The following ZNF503 variants were observed in gnomAD, a reference collection of about 807,000 sequenced individuals.
ZNF503 encodes the protein zinc finger protein 503, also known as NocA-like zinc finger 2.
A neutral mutation model predicts 34.4 loss-of-function variants in ZNF503; 15 were observed. That is an observed-to-expected ratio of 0.44 (90% CI 0.29 to 0.67). The LOEUF (loss-of-function observed/expected upper bound fraction) is 0.67, where lower values mean the gene tolerates loss of function less well. Among genes scored for constraint, ZNF503 ranks in the 30% least tolerant of loss-of-function variants. ZNF503 has a pLI of 0.13. For synonymous variants in ZNF503, 580 were observed against 456.8 expected, an observed-to-expected ratio of 1.27 and a Z score of -3.44; for missense variants, 1,007 against 926.8, an observed-to-expected ratio of 1.09 and a Z score of -1.12.
the ZNF503 span, among the ~76,000 whole-genome samples, chr10:75,291,727 G>A: frequency 1.6e-4 from 25 of 152,128 alleles, no homozygotes; most frequent in Admixed American, 7.2e-4. Context: ...CTCTCCCATT[G>A]GTCCAGGAAT....
chr10:75,283,633 G>T, the ZNF503 span, among the ~76,000 whole-genome samples: 2 of 152,166 alleles, frequency 1.3e-5, no homozygotes, highest in African/African-American at 2.4e-5. Flanking sequence ...CAAGCCAACC[G>T]CCCCCACCCC....
the ZNF503 span, among the ~76,000 whole-genome samples, chr10:75,320,234 C>G: frequency 6.6e-6 from 1 of 152,216 alleles, no homozygotes; most frequent in African/African-American, 2.4e-5. Flanking sequence ...GTAATCCCAG[C>G]ACTTTGGGAG....
chr10:75,349,753 G>A, the ZNF503 span, among the ~76,000 whole-genome samples: 1 of 152,256 alleles, frequency 6.6e-6, no homozygotes, highest in Non-Finnish European at 1.5e-5. Flanking sequence ...CCTCCACTCT[G>A]TTCTCTGCAG....
chr10:75,319,914 A>C, the ZNF503 span, among the ~76,000 whole-genome samples: 8 of 152,238 alleles, frequency 5.3e-5, no homozygotes, highest in African/African-American at 1.9e-4. Flanking sequence ...TTGAAGTCTT[A>C]TAACTATTGG....
chr10:75,388,015 C>T, the ZNF503 span, among the ~76,000 whole-genome samples: 3 of 152,258 alleles, frequency 2.0e-5, no homozygotes, highest in South Asian at 6.2e-4. Flanking sequence ...GCTTGGTTTC[C>T]AGCAGAGGAG....
At chr10:75,381,218 G>GTTTGT in the ZNF503 span, among the ~76,000 whole-genome samples, 590 of 152,206 alleles carry the variant, frequency 3.9e-3, 2 homozygotes, top group South Asian at 8.3e-3. Flanking sequence ...ATTTTTGTTT[G>GTTTGT]TTTGTTTTGT....
the ZNF503 span, among the ~76,000 whole-genome samples, chr10:75,341,600 A>T: frequency 6.6e-6 from 1 of 152,214 alleles, no homozygotes; most frequent in Admixed American, 6.5e-5. Flanking sequence ...TAGTTTGGAA[A>T]TATTTAGTAA....
chr10:75,313,177 G>A, the ZNF503 span, among the ~76,000 whole-genome samples: 1 of 152,182 alleles, frequency 6.6e-6, no homozygotes, highest in Non-Finnish European at 1.5e-5. Flanking sequence ...AACCATGGAG[G>A]TAGAGCGATG....
chr10:75,357,621 GAT>G, the ZNF503 span, among the ~76,000 whole-genome samples: 1 of 152,232 alleles, frequency 6.6e-6, no homozygotes, highest in Admixed American at 6.5e-5. Context: ...GTACCTTTCT[GAT>G]GGCATTGTTA....
At chr10:75,323,180 ATGT>A in the ZNF503 span, among the ~76,000 whole-genome samples, 1 of 152,258 alleles carries the variant, frequency 6.6e-6, no homozygotes, top group South Asian at 2.1e-4. Context: ...TTAATCATAC[ATGT>A]TGTATGAATC....
the ZNF503 span, among the ~76,000 whole-genome samples, chr10:75,386,525 C>T: frequency 2.0e-5 from 3 of 152,214 alleles, no homozygotes; most frequent in Non-Finnish European, 1.5e-5. Context: ...TCTACCTTCT[C>T]ACTGCTTCCT....
chr10:75,324,107 A>G, the ZNF503 span, among the ~76,000 whole-genome samples: 1 of 149,090 alleles, frequency 6.7e-6, no homozygotes, highest in Non-Finnish European at 1.5e-5. Flanking sequence ...TTTTCTTGCA[A>G]TCTATGGTTT....
chr10:75,331,020 A>G, the ZNF503 span, among the ~76,000 whole-genome samples: 2 of 152,086 alleles, frequency 1.3e-5, no homozygotes, highest in African/African-American at 2.4e-5. Context: ...GCTGTATCCT[A>G]TAGGTTTTGA....
At chr10:75,375,812 C>T in the ZNF503 span, among the ~76,000 whole-genome samples, 3 of 152,182 alleles carry the variant, frequency 2.0e-5, no homozygotes, top group Non-Finnish European at 2.9e-5. Flanking sequence ...CCACTGAGCC[C>T]GCGGAACCCA....
the ZNF503 span, chr10:75,382,545 C>G: frequency 3.7e-6 from 2 of 539,168 alleles, no homozygotes; most frequent in Non-Finnish European, 6.6e-6. Flanking sequence ...AAGATGGTGA[C>G]TGGTGTCTCT....
downstream of ZNF503, among the ~76,000 whole-genome samples, chr10:75,396,625 T>C (rs187458111): frequency 3.0e-3 from 462 of 152,004 alleles, 2 homozygotes; most frequent in African/African-American, 0.011. The surrounding 1 kb of genome is among the most constrained non-coding windows in gnomAD (Gnocchi z 4.4). Context: ...GCAACAGGGG[T>C]ACCTGAGCGC....
the ZNF503 span, among the ~76,000 whole-genome samples, chr10:75,306,164 AG>A: frequency 2.6e-5 from 4 of 152,160 alleles, no homozygotes; most frequent in Non-Finnish European, 5.9e-5. Context: ...ACAGTGCACA[AG>A]GGTTTCAATT....
chr10:75,391,879 A>C, the ZNF503 span, among the ~76,000 whole-genome samples: 45 of 152,256 alleles, frequency 3.0e-4, no homozygotes, highest in African/African-American at 1.0e-3. Flanking sequence ...TAGGTATAGG[A>C]GATAATCCCT....
At chr10:75,326,006 G>C in the ZNF503 span, among the ~76,000 whole-genome samples, 2 of 152,134 alleles carry the variant, frequency 1.3e-5, no homozygotes, top group Non-Finnish European at 2.9e-5. Context: ...TTGAAGGCAT[G>C]AGCCACTGTG....
Sources: gnomAD v4.1 joint callset for allele counts (sites outside exome capture counted in the v4.1 genomes callset) on GRCh38, gnomAD v4.1.1 for gene constraint, Gnocchi (gnomAD v3.1) non-coding constraint, MANE v1.5 for transcripts, NCBI Gene and HGNC (gene_info 2026-07-23, HGNC 2026-07-21) for gene names.